USP16: variants seen among roughly 807,000 people sequenced by gnomAD.
USP16 encodes the protein ubiquitin carboxyl-terminal hydrolase 16.
Under a neutral mutation model 95.9 loss-of-function variants are expected in USP16, and 77 were observed. The ratio of observed to expected loss-of-function variants is 0.80; its 90% confidence interval spans 0.67 to 0.97. The LOEUF (loss-of-function observed/expected upper bound fraction) is 0.97, where lower values mean the gene tolerates loss of function less well. USP16 is among the 50% of genes least tolerant of loss of function. The pLI is 0.00. For missense variants in USP16, 943 were observed against 959.9 expected (o/e 0.98, Z 0.23); for synonymous variants, 303 against 318.2 (o/e 0.95, Z 0.51).
At chr21:29,035,004 TTAAA>T in intron 4 of USP16, 64 bp downstream of exon 4, 3 of 1,454,248 alleles carry the variant, frequency 2.1e-6, no homozygotes, top group South Asian at 1.2e-5. Flanking sequence ...ATGGAAATGT[TTAAA>T]TATGTTTAAG....
intron 13 of USP16, among the ~76,000 whole-genome samples, chr21:29,044,538 C>T (rs926455995): frequency 4.6e-5 from 7 of 150,978 alleles, no homozygotes; most frequent in African/African-American, 1.7e-4. Flanking sequence ...ACCTCTGCCT[C>T]CCAGGTTCAA....
intron 16 of USP16, among the ~76,000 whole-genome samples, chr21:29,050,585 G>A (rs2085398849): frequency 1.3e-5 from 2 of 152,192 alleles, no homozygotes; most frequent in Non-Finnish European, 2.9e-5. Flanking sequence ...TTTAAAGAAG[G>A]AGTAAAAGTA....
At chr21:29,049,995 T>C (rs961156470) in intron 15 of USP16, 97 bp from the exon 16 acceptor site, 8 of 1,008,290 alleles carry the variant, frequency 7.9e-6, no homozygotes, top group Non-Finnish European at 1.2e-5. Flanking sequence ...TAGGACTTAA[T>C]GTTGATATTC....
At chr21:29,038,274 A>C (rs2085191896) in intron 6 of USP16, 61 bp from the exon 7 acceptor site, 3 of 1,100,476 alleles carry the variant, frequency 2.7e-6, no homozygotes, top group Non-Finnish European at 4.1e-6. Context: ...ACACTTAAGA[A>C]GTGTCAGAGT....
At chr21:29,025,474 A>G (rs748659268) in intron 1 of USP16, among the ~76,000 whole-genome samples, 10 of 152,236 alleles carry the variant, frequency 6.6e-5, no homozygotes, top group Non-Finnish European at 1.5e-4. Flanking sequence ...GGAAGTCACA[A>G]TATGCTCTCC....
chr21:29,043,711 T>G, intron 13 of USP16, 112 bp downstream of exon 13: 1 of 992,730 alleles, frequency 1.0e-6, no homozygotes, highest in Non-Finnish European at 1.4e-6. Flanking sequence ...TACAGCACTT[T>G]CATTTGACAA....
chr21:29,046,601 C>G (rs748688483), intron 13 of USP16, 66 bp from the exon 14 acceptor site: 8 of 1,480,772 alleles, frequency 5.4e-6, no homozygotes, highest in Non-Finnish European at 7.2e-6. Flanking sequence ...TCCTCTATCT[C>G]TCTTCCTCCT....
chr21:29,039,106 C>CA lies in USP16; in HGVS notation c.818dup (p.Val275GlyfsTer13). On this transcript the variant is annotated frameshift_variant, in exon 8 of 18. Coordinates refer to ENST00000399976, the MANE Select transcript of USP16 (RefSeq NM_006447.3). LOFTEE classifies it high-confidence loss of function. The stretch of plus-strand genomic sequence containing the variant: ...AGTTTCTTAATGAGATGCAAGAGAC[C>CA]AAAAAGGGGGTTGTGACACCGAAAG... The CA allele has an allele frequency of 6.3e-7, 1 of 1,585,230 alleles. No homozygotes were observed. The highest frequency in any genetic ancestry group is 8.6e-7 in the Non-Finnish European group (1 of 1,163,972).
At chr21:29,051,336 G>T (rs972491062) in intron 16 of USP16, among the ~76,000 whole-genome samples, 2 of 152,328 alleles carry the variant, frequency 1.3e-5, no homozygotes, top group Admixed American at 1.3e-4. Flanking sequence ...TAGCAGAGAG[G>T]TTAGGATGGG....
chr21:29,050,069 A>C, intron 15 of USP16, 23 bp from the exon 16 acceptor site: 5 of 1,594,470 alleles, frequency 3.1e-6, no homozygotes, highest in Non-Finnish European at 4.3e-6. Flanking sequence ...AAAAGAAGTC[A>C]ATCTGTTATG....
chr21:29,041,904 A>C, intron 10 of USP16, 109 bp from the exon 11 acceptor site: 1 of 887,698 alleles, frequency 1.1e-6, no homozygotes, highest in Non-Finnish European at 1.7e-6. Flanking sequence ...GTGGGACAGG[A>C]AATTTAAAAT....
At chr21:29,051,778 C>T (rs1183537759) in intron 16 of USP16, among the ~76,000 whole-genome samples, 1 of 151,224 alleles carries the variant, frequency 6.6e-6, no homozygotes, top group Non-Finnish European at 1.5e-5. Flanking sequence ...TGCAGTGAGC[C>T]GAGATTGCGT....
At chr21:29,029,235 A>G (rs908285541) in intron 2 of USP16, among the ~76,000 whole-genome samples, 1 of 152,198 alleles carries the variant, frequency 6.6e-6, no homozygotes. Flanking sequence ...AACACGGTGA[A>G]ACCCCGTCTC....
chr21:29,036,975 GTGTTCAT>G (rs2085167010), intron 5 of USP16, among the ~76,000 whole-genome samples: 1 of 152,186 alleles, frequency 6.6e-6, no homozygotes, highest in Non-Finnish European at 1.5e-5. Flanking sequence ...AAGGTAAGAT[GTGTTCAT>G]TTGTAAAGAA....
intron 6 of USP16, 116 bp downstream of exon 6, chr21:29,037,579 CTTTT>C (rs71189336): frequency 0.04 from 7,234 of 182,276 alleles, 1 homozygote; most frequent in South Asian, 0.062. Context: ...CCAAAGAAAA[CTTTT>C]TTTTTTTTTT....
intron 5 of USP16, 64 bp from the exon 6 acceptor site, chr21:29,037,212 A>T: frequency 9.3e-7 from 1 of 1,069,716 alleles, no homozygotes; most frequent in Non-Finnish European, 1.3e-6. Context: ...CTGTTTCCCA[A>T]GTATACTTCT....
intron 13 of USP16, among the ~76,000 whole-genome samples, chr21:29,045,302 C>T (rs1449644067): frequency 6.6e-6 from 1 of 152,136 alleles, no homozygotes; most frequent in Non-Finnish European, 1.5e-5. Flanking sequence ...TCAGTTCTTT[C>T]TGTTACAACC....
At chr21:29,042,571 C>G (rs770843640) in intron 12 of USP16, 43 bp downstream of exon 12, 1 of 1,546,402 alleles carries the variant, frequency 6.5e-7, no homozygotes, top group Non-Finnish European at 8.8e-7. Context: ...ATTTTTTTTC[C>G]TGTAAGATTT....
chr21:29,026,163 C>G (rs117880008), intron 1 of USP16, among the ~76,000 whole-genome samples: 1 of 152,028 alleles, frequency 6.6e-6, no homozygotes, highest in African/African-American at 2.4e-5. Context: ...GAGTGGAGTA[C>G]AAGAGAAGGA....
Sources: allele counts gnomAD v4.1 joint callset (sites outside exome capture counted in the v4.1 genomes callset), GRCh38; gene constraint gnomAD v4.1.1; transcripts MANE v1.5; gene names NCBI Gene and HGNC (gene_info 2026-07-23, HGNC 2026-07-21).